MINK1: variants seen among roughly 807,000 people sequenced by gnomAD.
MINK1 encodes the protein misshapen-like kinase 1.
A neutral mutation model predicts 178.4 loss-of-function variants in MINK1; 46 were observed. The ratio of observed to expected loss-of-function variants is 0.26; its 90% confidence interval spans 0.20 to 0.33. The LOEUF (loss-of-function observed/expected upper bound fraction) is 0.33, where lower values mean the gene tolerates loss of function less well. Ranked by LOEUF, MINK1 falls within the 10% of genes least tolerant of loss-of-function variation. The pLI is 1.00. For missense variants in MINK1, 1,366 were observed against 1,814.9 expected (o/e 0.75, Z 4.49); for synonymous variants, 797 against 709.7 (o/e 1.12, Z -1.96).
Position 4,893,508 on chromosome 17 carries a change from G to A in MINK1, c.2475G>A (p.Ser825=), listed in dbSNP as rs543709317. The A allele has an allele frequency of 1.8e-5, 28 of 1,599,678 alleles. No individual in the cohort carries two copies. Among genetic ancestry groups the A allele is most frequent in the African/African-American group, 9.4e-5 (7 of 74,754 alleles). ...CCAAGAAGGCCATGGACTACTCGTC[G>A]TCCAGCGAGGAGGTGGAAAGCAGTG... ...RPPKKAMDYS[S]SSEEVESSED... is the part of the protein sequence containing the mutation. Residue 825 remains serine (S), a synonymous_variant, in exon 21 of 32, where the codon TCG becomes TCA. Transcript: ENST00000355280.
In MINK1 at chr17:4,897,194, C is replaced by A. The variant is rs1268768058; in HGVS notation, c.3916-10C>A. Reference sequence around the variant, plus strand: ...CAGCCCTTGGTGACTTCTTCTCCTGCCCCACCCAGGTGTTTTTTGCCTCAG... The same window carrying A: ...CAGCCCTTGGTGACTTCTTCTCCTGACCCACCCAGGTGTTTTTTGCCTCAG... On this transcript the variant is annotated splice_polypyrimidine_tract_variant and intron_variant, in intron 31 of 31. Coordinates refer to ENST00000355280, the MANE Select transcript of MINK1 (RefSeq NM_153827.5). 6.2e-7 allele frequency: 1 copy of A among 1,612,180 alleles called. No homozygotes were observed. Among genetic ancestry groups the A allele is most frequent in the African/African-American group, 1.3e-5 (1 of 74,874 alleles).
At chr17:4,869,693 G>A (rs1915601824) in intron 1 of MINK1, among the ~76,000 whole-genome samples, 1 of 150,520 alleles carries the variant, frequency 6.6e-6, no homozygotes, top group Non-Finnish European at 1.5e-5. Flanking sequence ...TACTAATTTA[G>A]ATTCCCACCA....
chr17:4,882,306 G>A (rs1176085604), intron 4 of MINK1, among the ~76,000 whole-genome samples: 1 of 152,250 alleles, frequency 6.6e-6, no homozygotes, highest in Non-Finnish European at 1.5e-5. Context: ...CATTGGATGT[G>A]GCTTTTAGTG....
rs982920570 is a variant in MINK1, at chr17:4,885,071, TTC to T, written c.508+75_508+76del. 1 of 1,455,518 alleles carries T rather than the reference TTC, an allele frequency of 6.9e-7. No individual in the cohort carries two copies. The highest frequency in any genetic ancestry group is 9.5e-7 in the Non-Finnish European group (1 of 1,048,146). The allele number at this position is 1,455,518 out of a possible 1,614,324, so 90.2% of individuals were successfully genotyped here. A position where few individuals can be genotyped will look rare whatever the true frequency, so the allele number is the denominator to read the frequency against. On this transcript the variant is annotated intron_variant, in intron 6 of 31. Coordinates refer to ENST00000355280, the MANE Select transcript of MINK1 (RefSeq NM_153827.5). The surrounding 1 kb of genome is among the most constrained non-coding windows in gnomAD (Gnocchi z 5.0). ...AGAACAGAGAATGAGGGGCCCCTTT[TTC>T]TCTCTGGTGGCTCAGGCCCAACTCC... is the stretch of plus-strand genomic sequence containing the variant.
In MINK1 at chr17:4,894,906, C is replaced by T; in HGVS notation, c.2918-169C>T. 2 of 766,020 alleles carry T rather than the reference C, an allele frequency of 2.6e-6. No individual in the cohort carries two copies. Among genetic ancestry groups the T allele is most frequent in the Admixed American group, 5.7e-5 (2 of 34,910 alleles). 47.5% of individuals were successfully genotyped at this position (766,020 alleles called of 1,614,324 possible). On this transcript the variant is annotated intron_variant, in intron 24 of 31. Transcript: ENST00000355280. This position sits in a 1 kb window ranked among gnomAD's most constrained non-coding sequence, Gnocchi z 4.1. ...ATGGGACTTGAGCCAGACCTTTTGA[C>T]TCCAAGTCCAGCACTCTATCCCCCT...
intron 15 of MINK1, 74 bp downstream of exon 15, chr17:4,891,198 G>GCACACACA (rs1375582286): frequency 4.4e-6 from 5 of 1,129,360 alleles, no homozygotes; most frequent in South Asian, 3.3e-5. Context: ...ACACACACGC[G>GCACACACA]CGCACACACA....
At chr17:4,871,115 T>C in intron 1 of MINK1, 1 of 311,762 alleles carries the variant, frequency 3.2e-6, no homozygotes. Flanking sequence ...CATAATGTCT[T>C]CAAGGTTCAT....
intron 1 of MINK1, among the ~76,000 whole-genome samples, chr17:4,837,255 G>A (rs560324666): frequency 6.6e-6 from 1 of 152,098 alleles, no homozygotes; most frequent in Non-Finnish European, 1.5e-5. Flanking sequence ...GTTCATTTTT[G>A]TATCCCCAGT....
At chr17:4,860,320 A>T (rs989557189) in intron 1 of MINK1, among the ~76,000 whole-genome samples, 1 of 151,890 alleles carries the variant, frequency 6.6e-6, no homozygotes, top group Non-Finnish European at 1.5e-5. Flanking sequence ...CCACGTGCTG[A>T]TTGTGAGGGA....
Position 4,881,993 on chromosome 17 carries a change from T to C in MINK1, c.306+736T>C, listed in dbSNP as rs150071211. On this transcript the variant is annotated intron_variant, in intron 4 of 31. Coordinates refer to ENST00000355280, the MANE Select transcript of MINK1 (RefSeq NM_153827.5). Reference sequence around the variant, plus strand: ...CAGAGAAGCACTTACTAAGCACTTCTGTATACTCTGTATAGATGAGCATGA... The same window carrying C: ...CAGAGAAGCACTTACTAAGCACTTCCGTATACTCTGTATAGATGAGCATGA... Among the ~76,000 whole-genome samples the C allele has an allele frequency of 9.5e-3, 1,453 of 152,390 alleles. 17 individuals are homozygous for C. Among genetic ancestry groups the C allele is most frequent in the Middle Eastern group, 0.02 (6 of 294 alleles).
At chr17:4,872,322 TAA>T (rs1915950400) in intron 1 of MINK1, among the ~76,000 whole-genome samples, 1 of 136,546 alleles carries the variant, frequency 7.3e-6, no homozygotes, top group Non-Finnish European at 1.5e-5. Context: ...AGAATGAGAC[TAA>T]GTCTTAAAAA....
intron 1 of MINK1, among the ~76,000 whole-genome samples, chr17:4,861,225 A>T (rs1914119073): frequency 2.6e-5 from 4 of 152,222 alleles, no homozygotes; most frequent in Admixed American, 2.6e-4. Context: ...GCTTGGGGCC[A>T]GCCTGGTGTG....
intron 20 of MINK1, 179 bp downstream of exon 20, chr17:4,893,246 C>G: frequency 1.2e-6 from 2 of 1,613,210 alleles, no homozygotes; most frequent in Non-Finnish European, 1.7e-6. Flanking sequence ...TCTCTCCTAA[C>G]CTCTCTTCTG....
chr17:4,896,153 C>CCCGT lies in MINK1; in HGVS notation c.3466-39_3466-36dup. On this transcript the variant is annotated intron_variant, in intron 28 of 31. Transcript: ENST00000355280. The surrounding 1 kb of genome is among the most constrained non-coding windows in gnomAD (Gnocchi z 4.6). Reference sequence around the variant, plus strand: ...ACCATCTGGAGTCCCAGCGCCTCTCCCCGTGCCCCTGAGCCCTCCTCTCCT... The same window carrying CCCGT: ...ACCATCTGGAGTCCCAGCGCCTCTCCCCGTCCGTGCCCCTGAGCCCTCCTCTCCT... 1 of 1,605,226 alleles carries CCCGT rather than the reference C, an allele frequency of 6.2e-7. No individual in the cohort carries two copies. Among genetic ancestry groups the CCCGT allele is most frequent in the South Asian group, 1.1e-5 (1 of 89,894 alleles).
chr17:4,849,488 T>G (rs1911590610), intron 1 of MINK1, among the ~76,000 whole-genome samples: 1 of 152,186 alleles, frequency 6.6e-6, no homozygotes. Context: ...CCTGGAGATT[T>G]GAGATTCCTG....
At position 4,893,103 on chromosome 17, in the gene MINK1, C is replaced by T. The variant is rs563108659; in HGVS notation, c.2400+36C>T. 11 of 1,548,070 alleles carry T rather than the reference C, an allele frequency of 7.1e-6. No homozygotes were observed. In the East Asian group the frequency reaches 2.7e-4, roughly 38 times the overall value. On this transcript the variant is annotated intron_variant, in intron 20 of 31. Transcript: ENST00000355280. ...TGGTGGCAGGCATGGCCTGCCTCAT[C>T]CTGGTTTGGGGCTTAGCCTCAGGGT... is the stretch of plus-strand genomic sequence containing the variant.
intron 1 of MINK1, among the ~76,000 whole-genome samples, chr17:4,837,213 A>C (rs1183160946): frequency 6.6e-6 from 1 of 152,162 alleles, no homozygotes; most frequent in South Asian, 2.1e-4. Flanking sequence ...TACAACAAAC[A>C]GTTCGGTGAA....
intron 31 of MINK1, 155 bp from the exon 32 acceptor site, chr17:4,897,049 C>A: frequency 2.3e-6 from 2 of 869,228 alleles, no homozygotes; most frequent in Middle Eastern, 2.3e-4. Flanking sequence ...TCCCAGCCTG[C>A]CTTTCCTCCG....
In MINK1 at chr17:4,873,679, C is replaced by T. The variant is rs189966937; in HGVS notation, c.58-4638C>T. ...TTTCACCCAGGCTGGAGTGCAGTGG[C>T]GCAATTTCGGCTCACTGCAACCTCC... is the stretch of plus-strand genomic sequence containing the variant. On this transcript the variant is annotated intron_variant, in intron 1 of 31. Coordinates refer to ENST00000355280, the MANE Select transcript of MINK1 (RefSeq NM_153827.5). 3.6e-3 allele frequency among the ~76,000 whole-genome samples: 496 copies of T among 138,386 alleles called. 3 individuals carry two copies. Among genetic ancestry groups the T allele is most frequent in the African/African-American group, 0.013 (473 of 36,812 alleles). 90.8% of individuals were successfully genotyped at this position (138,386 alleles called of 152,430 possible). A position where few individuals can be genotyped will look rare whatever the true frequency, so the allele number is the denominator to read the frequency against.
Sources: allele counts gnomAD v4.1 joint callset (sites outside exome capture counted in the v4.1 genomes callset), GRCh38; gene constraint gnomAD v4.1.1; non-coding constraint Gnocchi (gnomAD v3.1); transcripts MANE v1.5; gene names NCBI Gene and HGNC (gene_info 2026-07-23, HGNC 2026-07-21).